The following MAPK10 variants were observed in gnomAD, a reference collection of about 807,000 sequenced individuals.
MAPK10 encodes mitogen-activated protein kinase 10.
MAPK10 carries 25 observed loss-of-function variants against 59.3 expected under a neutral mutation model. The ratio of observed to expected loss-of-function variants is 0.42; its 90% CI spans 0.31 to 0.59. MAPK10 has a LOEUF of 0.59. Ranked by LOEUF, MAPK10 falls within the 20% of genes least tolerant of loss-of-function variation. The pLI, the probability that MAPK10 is intolerant of heterozygous loss-of-function variation, is 0.15. For synonymous variants in MAPK10, 190 were observed against 200.5 expected, an observed-to-expected ratio of 0.95 and a Z score of 0.44; for missense variants, 351 against 568.9, an observed-to-expected ratio of 0.62 and a Z score of 3.90.
intron 1 of MAPK10, among the ~76,000 whole-genome samples, chr4:86,484,395 A>T (rs1229964590): frequency 6.6e-6 from 1 of 151,866 alleles, no homozygotes; most frequent in African/African-American, 2.4e-5. Context: ...AAGCTTTCGT[A>T]ATGTTCTCAC....
Position 86,015,296 on chromosome 4 carries a change from A to G in MAPK10, c.*1932T>C, listed in dbSNP as rs563836074. 1 of 152,292 alleles carries G rather than the reference A, an allele frequency of 6.6e-6. No individual in the cohort carries two copies. The highest frequency in any genetic ancestry group is 2.1e-4 in the South Asian group (1 of 4,822). The allele number at this position is 152,292 out of a possible 1,614,324, so 9.4% of individuals were successfully genotyped here. ...GTGGGTGCAGTTCCCTGTGGTCTCT[A>G]TTGCTTGAAGAGAGAAAGAAAGTTC... On this transcript the variant is annotated 3_prime_UTR_variant, in exon 14 of 14. Transcript: ENST00000641462.
Position 86,042,913 on chromosome 4 carries a change from G to T in MAPK10, c.1111-11482C>A, listed in dbSNP as rs147984944. Among the ~76,000 whole-genome samples the T allele has an allele frequency of 1.1e-3, 164 of 152,214 alleles. 2 individuals carry two copies. Among genetic ancestry groups the T allele is most frequent in the Middle Eastern group, 6.8e-3 (2 of 294 alleles). On this transcript the variant is annotated intron_variant, in intron 11 of 13. Transcript: ENST00000641462. ...TCCAGTCACCTTGGATGTGAAGGGGGCTGAGGGAATAGAAAGAAAAGACTC... is the reference window on the plus strand; with the variant it reads ...TCCAGTCACCTTGGATGTGAAGGGGTCTGAGGGAATAGAAAGAAAAGACTC...
intron 2 of MAPK10, among the ~76,000 whole-genome samples, chr4:86,258,053 T>C (rs1196917555): frequency 6.6e-6 from 1 of 152,192 alleles, no homozygotes; most frequent in Admixed American, 6.5e-5. Flanking sequence ...AGATGAATGA[T>C]ATGAAAAATT....
At position 86,206,707 on chromosome 4, in the gene MAPK10, G is replaced by C. The variant is rs1348024594; in HGVS notation, c.-6-12300C>G. ...TTTCTCTACATCCTCTCCAGCACCT[G>C]TCATTTCCTGACTTTTTAATGATCG... On this transcript the variant is annotated intron_variant, in intron 2 of 13. Coordinates refer to ENST00000641462, the MANE Select transcript of MAPK10 (RefSeq NM_138982.4). Among the ~76,000 whole-genome samples the C allele has an allele frequency of 2.6e-5, 4 of 152,266 alleles. No individual in the cohort carries two copies. In the East Asian group the frequency reaches 7.7e-4, roughly 29 times the overall value.
At chr4:86,349,113 A>G (rs17011803) in intron 2 of MAPK10, among the ~76,000 whole-genome samples, 3,624 of 152,336 alleles carry the variant, frequency 0.024, 58 homozygotes, top group Non-Finnish European at 0.038. Flanking sequence ...ACTTAATAAC[A>G]ATCATCAAAA....
At chr4:86,274,004 A>C (rs2094503058) in intron 2 of MAPK10, among the ~76,000 whole-genome samples, 1 of 152,034 alleles carries the variant, frequency 6.6e-6, no homozygotes, top group Non-Finnish European at 1.5e-5. Flanking sequence ...GATTTTATTG[A>C]TTTAGCTATT....
chr4:86,068,909 G>A (rs755672645), intron 9 of MAPK10, among the ~76,000 whole-genome samples: 2 of 151,966 alleles, frequency 1.3e-5, no homozygotes, highest in Admixed American at 6.6e-5. Flanking sequence ...AGATTTCCTC[G>A]CCATGTGCCA....
intron 2 of MAPK10, among the ~76,000 whole-genome samples, chr4:86,256,834 G>A (rs1243689817): frequency 1.4e-5 from 2 of 143,180 alleles, no homozygotes; most frequent in Non-Finnish European, 3.0e-5. Context: ...TCCGCCTCCC[G>A]GGTTCACGCC....
intron 1 of MAPK10, among the ~76,000 whole-genome samples, chr4:86,521,155 G>C (rs541131918): frequency 1.3e-5 from 2 of 152,360 alleles, no homozygotes; most frequent in East Asian, 3.9e-4. Flanking sequence ...GGTTGTTGCA[G>C]GCAGTGGAAT....
At chr4:86,155,233 A>G (rs1339748341) in intron 4 of MAPK10, among the ~76,000 whole-genome samples, 1 of 152,004 alleles carries the variant, frequency 6.6e-6, no homozygotes, top group East Asian at 1.9e-4. Flanking sequence ...TTTCTGCTGA[A>G]CATGCCTGGC....
intron 2 of MAPK10, among the ~76,000 whole-genome samples, chr4:86,228,534 A>G (rs1037150371): frequency 5.3e-5 from 8 of 152,222 alleles, no homozygotes; most frequent in Non-Finnish European, 1.0e-4. Context: ...TTACAAATTC[A>G]TCTCAGAAGC....
chr4:86,451,102 C>T (rs967149459), intron 1 of MAPK10, among the ~76,000 whole-genome samples: 5 of 152,068 alleles, frequency 3.3e-5, no homozygotes, highest in Admixed American at 1.3e-4. Context: ...AAGGAACTTC[C>T]CCCACTGAGG....
chr4:86,204,822 G>A (rs1425216325), intron 2 of MAPK10, among the ~76,000 whole-genome samples: 1 of 151,972 alleles, frequency 6.6e-6, no homozygotes, highest in Non-Finnish European at 1.5e-5. Context: ...TGTAGATGGG[G>A]AAATGGCAGT....
chr4:86,581,748 C>T (rs1222882830), intron 1 of MAPK10, among the ~76,000 whole-genome samples: 1 of 141,842 alleles, frequency 7.1e-6, no homozygotes, highest in African/African-American at 2.6e-5. Flanking sequence ...ACTCTAAATT[C>T]TTTATACAAC....
At position 86,356,879 on chromosome 4, in the gene MAPK10, C is replaced by T. The variant is rs1468395141; in HGVS notation, c.-121-2235G>A. 2.0e-5 allele frequency: 3 copies of T among 152,284 alleles called. 1 individual carries two copies. The highest frequency in any genetic ancestry group is 7.2e-5 in the African/African-American group (3 of 41,564). 9.4% of individuals were successfully genotyped at this position (152,284 alleles called of 1,614,324 possible). A position where few individuals can be genotyped will look rare whatever the true frequency, so the allele number is the denominator to read the frequency against. ...TAGTCTATAGGCCCAACTTTTTCCA[C>T]AAGTCCTTGGTCCTCAGAAGAAGGT... On this transcript the variant is annotated intron_variant, in intron 1 of 13. Transcript: ENST00000641462.
chr4:86,486,905 G>A (rs1390268980), intron 1 of MAPK10, among the ~76,000 whole-genome samples: 1 of 152,140 alleles, frequency 6.6e-6, no homozygotes, highest in African/African-American at 2.4e-5. Flanking sequence ...CTCTGAGAAG[G>A]ACAAATCACT....
intron 9 of MAPK10, chr4:86,095,673 T>C (rs1304745811): frequency 2.6e-5 from 4 of 151,876 alleles, no homozygotes; most frequent in Non-Finnish European, 5.9e-5. Flanking sequence ...CTGATAGTCA[T>C]AGTTTGAGAG....
At chr4:86,061,480 C>G (rs1214842639) in intron 11 of MAPK10, among the ~76,000 whole-genome samples, 1 of 152,072 alleles carries the variant, frequency 6.6e-6, no homozygotes, top group Non-Finnish European at 1.5e-5. Flanking sequence ...GCTTGGCATC[C>G]AATTTTTAAA....
intron 9 of MAPK10, among the ~76,000 whole-genome samples, chr4:86,082,871 C>T (rs745626857): frequency 2.0e-4 from 30 of 152,128 alleles, no homozygotes; most frequent in Non-Finnish European, 3.4e-4. Context: ...GGGGGCTGCA[C>T]TCTGGGTTGC....
Sources: gnomAD v4.1 joint callset for allele counts (sites outside exome capture counted in the v4.1 genomes callset) on GRCh38, gnomAD v4.1.1 for gene constraint, MANE v1.5 for transcripts, NCBI Gene and HGNC (gene_info 2026-07-23, HGNC 2026-07-21) for gene names.